Variants in NEDD4L observed in about 807,000 individuals in gnomAD.
NEDD4L encodes NEDD4 like E3 ubiquitin protein ligase, also known as E3 ubiquitin-protein ligase NEDD4-like.
A neutral mutation model predicts 148.9 loss-of-function variants in NEDD4L; 54 were observed. That is an observed-to-expected ratio of 0.36 (90% CI 0.29 to 0.45). The LOEUF is 0.45. Among genes scored for constraint, NEDD4L ranks in the 20% least tolerant of loss-of-function variants. The probability of loss-of-function intolerance (pLI) is 1.00; values close to 1 mark genes in which losing one functional copy is unlikely to be tolerated. For missense variants in NEDD4L, 856 were observed against 1,233.8 expected, an observed-to-expected ratio of 0.69 and a Z score of 4.59; for synonymous variants, 433 against 440.7, an observed-to-expected ratio of 0.98 and a Z score of 0.22.
intron 13 of NEDD4L, among the ~76,000 whole-genome samples, chr18:58,338,996 C>T (rs1216569183): frequency 6.6e-6 from 1 of 152,188 alleles, no homozygotes; most frequent in Non-Finnish European, 1.5e-5. Context: ...TATGACACAT[C>T]CATGTGCTTT....
chr18:58,124,320 G>A (rs559103538), intron 1 of NEDD4L, among the ~76,000 whole-genome samples: 3 of 152,268 alleles, frequency 2.0e-5, no homozygotes, highest in East Asian at 1.9e-4. Flanking sequence ...CTCCGCCTGC[G>A]GTGCCTTTGA....
At chr18:58,065,726 A>C (rs1471340997) in intron 1 of NEDD4L, among the ~76,000 whole-genome samples, 1 of 152,196 alleles carries the variant, frequency 6.6e-6, no homozygotes, top group Non-Finnish European at 1.5e-5. Context: ...TTACCTTACG[A>C]TAACACCTCA....
intron 5 of NEDD4L, among the ~76,000 whole-genome samples, chr18:58,254,199 G>C (rs1025267101): frequency 6.6e-6 from 1 of 152,138 alleles, no homozygotes; most frequent in Non-Finnish European, 1.5e-5. Context: ...TAGAGCTGTT[G>C]ACAAAGTCAT....
At chr18:58,227,796 A>G (rs182659145) in intron 2 of NEDD4L, 9 of 763,432 alleles carry the variant, frequency 1.2e-5, no homozygotes, top group African/African-American at 3.8e-5. Context: ...CTCTTGTTCA[A>G]ACTCCCTAAG....
At chr18:58,065,654 T>C (rs1335378966) in intron 1 of NEDD4L, among the ~76,000 whole-genome samples, 2 of 152,224 alleles carry the variant, frequency 1.3e-5, no homozygotes, top group Admixed American at 1.3e-4. Flanking sequence ...AGTGCATTTC[T>C]TGGTCATCCT....
intron 5 of NEDD4L, chr18:58,255,318 A>T (rs2048379531): frequency 1.5e-5 from 3 of 195,542 alleles, no homozygotes; most frequent in Non-Finnish European, 1.9e-5. Flanking sequence ...TGCTGTTTAA[A>T]AAAAAAAAAA....
chr18:58,347,221 C>CCCA (rs2043206292), intron 16 of NEDD4L, among the ~76,000 whole-genome samples: 2 of 94,256 alleles, frequency 2.1e-5, no homozygotes, highest in South Asian at 5.3e-4. Context: ...CCCGCCCCCC[C>CCCA]CCCCCCTTTA....
intron 1 of NEDD4L, among the ~76,000 whole-genome samples, chr18:58,150,928 G>A (rs12455559): frequency 0.26 from 39,880 of 152,150 alleles, 5,849 homozygotes; most frequent in Non-Finnish European, 0.33. Context: ...ATTGGTGGAC[G>A]TCCTTGACTC....
intron 1 of NEDD4L, among the ~76,000 whole-genome samples, chr18:58,083,629 A>C (rs1331548783): frequency 2.0e-5 from 3 of 152,206 alleles, no homozygotes; most frequent in African/African-American, 4.8e-5. Context: ...CAGAGCTTGC[A>C]GTCAGCAGAG....
intron 6 of NEDD4L, among the ~76,000 whole-genome samples, chr18:58,321,807 T>C (rs1433041690): frequency 6.6e-6 from 1 of 152,188 alleles, no homozygotes; most frequent in Non-Finnish European, 1.5e-5. Flanking sequence ...ATTTCCTGCT[T>C]TGGTAGGAAC....
intron 1 of NEDD4L, among the ~76,000 whole-genome samples, chr18:58,142,000 ACCCCACCCC>A (rs1430314386): frequency 2.4e-5 from 2 of 82,020 alleles, no homozygotes; most frequent in Non-Finnish European, 5.2e-5. Flanking sequence ...GGTTTTGTCT[ACCCCACCCC>A]CCCGACCCCA....
chr18:58,246,950 GA>G (rs2047335856), intron 3 of NEDD4L, among the ~76,000 whole-genome samples: 1 of 152,072 alleles, frequency 6.6e-6, no homozygotes, highest in Non-Finnish European at 1.5e-5. Context: ...GAGGCTGGCA[GA>G]TCAATTGAGC....
intron 1 of NEDD4L, among the ~76,000 whole-genome samples, chr18:58,067,987 T>C (rs2082685730): frequency 6.6e-6 from 1 of 151,990 alleles, no homozygotes; most frequent in African/African-American, 2.4e-5. Context: ...TGAGATAAGG[T>C]CTCCCTCTGT....
chr18:58,379,084 C>T (rs12458921), intron 24 of NEDD4L, among the ~76,000 whole-genome samples: 23,998 of 152,172 alleles, frequency 0.16, 2,084 homozygotes, highest in South Asian at 0.28. Flanking sequence ...CACAGGAGGG[C>T]GATGGCCCAG....
intron 1 of NEDD4L, among the ~76,000 whole-genome samples, chr18:58,108,745 A>C (rs528836321): frequency 2.0e-4 from 30 of 152,304 alleles, no homozygotes; most frequent in Admixed American, 8.5e-4. Flanking sequence ...TAATTAGTAA[A>C]TTTTGGTATA....
chr18:58,316,786 C>T (rs2058316517), intron 6 of NEDD4L, among the ~76,000 whole-genome samples: 1 of 152,244 alleles, frequency 6.6e-6, no homozygotes, highest in African/African-American at 2.4e-5. Flanking sequence ...CGGCTTGTCC[C>T]AGCCTTCCTC....
intron 2 of NEDD4L, among the ~76,000 whole-genome samples, chr18:58,214,727 T>G (rs1456603260): frequency 6.6e-6 from 1 of 151,678 alleles, no homozygotes; most frequent in African/African-American, 2.4e-5. Flanking sequence ...CTCTAATTAA[T>G]AGATCTAGGA....
chr18:58,076,791 A>C (rs2145011979), intron 1 of NEDD4L, among the ~76,000 whole-genome samples: 1 of 152,092 alleles, frequency 6.6e-6, no homozygotes, highest in Non-Finnish European at 1.5e-5. Context: ...TAAAGAATGT[A>C]CAGTGAGCAC....
chr18:58,214,800 A>AT lies in NEDD4L; in HGVS notation c.123-30610dup, dbSNP rs60043101. ...GTATTTCTGTTTCTTTCTTTCTTTC[A>AT]TTTTTTTTTTTTTTTTTGTTGTTGT... is the stretch of plus-strand genomic sequence containing the variant. On this transcript the variant is annotated intron_variant, in intron 2 of 30. Transcript: ENST00000400345. 1.4e-3 allele frequency among the ~76,000 whole-genome samples: 177 copies of AT among 123,374 alleles called. 2 individuals are homozygous for AT. The South Asian group carries it at 0.023, about 16-fold the overall frequency. The allele number at this position is 123,374 out of a possible 152,430, so 80.9% of individuals were successfully genotyped here. A position where few individuals can be genotyped will look rare whatever the true frequency, so the allele number is the denominator to read the frequency against.
Sources: allele counts gnomAD v4.1 joint callset (sites outside exome capture counted in the v4.1 genomes callset), GRCh38; gene constraint gnomAD v4.1.1; transcripts MANE v1.5; gene names NCBI Gene and HGNC (gene_info 2026-07-23, HGNC 2026-07-21).